Variants in PRKG1 observed in about 807,000 individuals in gnomAD.
PRKG1 encodes protein kinase cGMP-dependent 1.
In PRKG1, 35 loss-of-function variants were observed where a neutral mutation model predicts 88.1. That is an observed-to-expected ratio of 0.40 (90% CI 0.30 to 0.53). The LOEUF (loss-of-function observed/expected upper bound fraction) is 0.53. Ranked by LOEUF, PRKG1 falls within the 20% of genes least tolerant of loss-of-function variation. PRKG1 has a pLI of 0.59. For missense variants in PRKG1, 540 were observed against 839.8 expected, an observed-to-expected ratio of 0.64 and a Z score of 4.41; for synonymous variants, 303 against 292.5, an observed-to-expected ratio of 1.04 and a Z score of -0.37.
chr10:51,856,254 G>A (rs1043061272), intron 4 of PRKG1, among the ~76,000 whole-genome samples: 1 of 152,098 alleles, frequency 6.6e-6, no homozygotes, highest in Non-Finnish European at 1.5e-5. Flanking sequence ...TTCCATATAA[G>A]GTAACATATT....
chr10:51,785,702 G>A (rs1838709773), intron 3 of PRKG1, among the ~76,000 whole-genome samples: 1 of 152,062 alleles, frequency 6.6e-6, no homozygotes, highest in African/African-American at 2.4e-5. Flanking sequence ...GATGGCTCCT[G>A]TCAACATGAT....
At chr10:51,125,411 G>A (rs1845370593) in intron 1 of PRKG1, among the ~76,000 whole-genome samples, 1 of 150,562 alleles carries the variant, frequency 6.6e-6, no homozygotes, top group African/African-American at 2.4e-5. Flanking sequence ...AATTTGGCCA[G>A]GCACAGTGGC....
chr10:51,900,154 T>C (rs1422878093), intron 4 of PRKG1, among the ~76,000 whole-genome samples: 1 of 152,164 alleles, frequency 6.6e-6, no homozygotes. Flanking sequence ...CAAAACAGAC[T>C]AACATACATA....
chr10:51,920,340 T>G (rs116254325), intron 5 of PRKG1, among the ~76,000 whole-genome samples: 2 of 152,168 alleles, frequency 1.3e-5, no homozygotes, highest in African/African-American at 4.8e-5. Context: ...GATTTTCCAG[T>G]ATAAGGCCCC....
At position 51,519,308 on chromosome 10, in the gene PRKG1, A is replaced by G. The variant is rs570317720; in HGVS notation, c.592+51472A>G. Among the ~76,000 whole-genome samples, 9 of 152,306 alleles carry G rather than the reference A, an allele frequency of 5.9e-5. No individual in the cohort carries two copies. In the South Asian group the frequency reaches 1.9e-3, roughly 32 times the overall value. On this transcript the variant is annotated intron_variant, in intron 3 of 17. Coordinates refer to ENST00000373980, the MANE Select transcript of PRKG1 (RefSeq NM_006258.4). The stretch of plus-strand genomic sequence containing the variant: ...TTTCAACAACCTATAAGTAAGGTAG[A>G]TATTTCCCATATTTTATAGAGCCAA...
chr10:51,943,126 C>A (rs1444082966), intron 5 of PRKG1, among the ~76,000 whole-genome samples: 3 of 152,010 alleles, frequency 2.0e-5, no homozygotes, highest in Non-Finnish European at 4.4e-5. Flanking sequence ...TCTTTTATTT[C>A]ATTGAGCAGT....
chr10:52,081,022 C>G (rs189714262), intron 7 of PRKG1, among the ~76,000 whole-genome samples: 1 of 152,300 alleles, frequency 6.6e-6, no homozygotes, highest in Non-Finnish European at 1.5e-5. Flanking sequence ...TCCCTGTGTT[C>G]AGTCCGGCTT....
chr10:52,250,872 C>T (rs1841153138), intron 9 of PRKG1, among the ~76,000 whole-genome samples: 1 of 152,140 alleles, frequency 6.6e-6, no homozygotes, highest in Non-Finnish European at 1.5e-5. Flanking sequence ...TGCTTCTCCA[C>T]ACCACTCATA....
At chr10:51,740,009 A>G (rs1372186291) in intron 3 of PRKG1, among the ~76,000 whole-genome samples, 1 of 152,138 alleles carries the variant, frequency 6.6e-6, no homozygotes, top group African/African-American at 2.4e-5. Flanking sequence ...ACAGTCTTAA[A>G]TATGATTGTA....
intron 5 of PRKG1, chr10:51,908,774 G>T (rs1842149842): frequency 8.4e-6 from 1 of 119,146 alleles, no homozygotes; most frequent in Non-Finnish European, 1.8e-5. Context: ...CTGTCGCCCA[G>T]GCTGGAGTGC....
intron 5 of PRKG1, among the ~76,000 whole-genome samples, chr10:52,049,100 C>T (rs1352376836): frequency 6.6e-6 from 1 of 152,136 alleles, no homozygotes; most frequent in African/African-American, 2.4e-5. Flanking sequence ...GGTTATCACG[C>T]AGTCATTAAA....
At chr10:51,447,870 C>T (rs1839320877) in intron 2 of PRKG1, among the ~76,000 whole-genome samples, 1 of 151,938 alleles carries the variant, frequency 6.6e-6, no homozygotes, top group South Asian at 2.1e-4. Context: ...AGTGAATGTT[C>T]CCTTATCATC....
intron 5 of PRKG1, among the ~76,000 whole-genome samples, chr10:51,915,173 G>A (rs533369379): frequency 6.6e-6 from 1 of 152,286 alleles, no homozygotes; most frequent in East Asian, 1.9e-4. Context: ...CCAACTGTGA[G>A]TAACAGAGAA....
intron 7 of PRKG1, among the ~76,000 whole-genome samples, chr10:52,117,030 G>A (rs1196189789): frequency 6.6e-6 from 1 of 152,054 alleles, no homozygotes; most frequent in Non-Finnish European, 1.5e-5. Context: ...TGCACCTTAT[G>A]TGATTAAATT....
chr10:51,945,268 G>A (rs916232942), intron 5 of PRKG1, among the ~76,000 whole-genome samples: 1 of 150,164 alleles, frequency 6.7e-6, no homozygotes, highest in African/African-American at 2.5e-5. Flanking sequence ...TCAGAGACTA[G>A]GATTGCAACC....
At position 51,663,640 on chromosome 10, in the gene PRKG1, G is replaced by A. The variant is rs76320533; in HGVS notation, c.593-140945G>A. 1.1e-4 allele frequency among the ~76,000 whole-genome samples: 16 copies of A among 148,764 alleles called. 1 individual carries two copies. In the East Asian group the frequency reaches 1.2e-3, roughly 11 times the overall value. On this transcript the variant is annotated intron_variant, in intron 3 of 17. Transcript: ENST00000373980. The stretch of plus-strand genomic sequence containing the variant: ...GCTGAGGTGACAGGATCACTTGAGC[G>A]CAGAAGTTTGAGGTTGCAGTGAGCT...
intron 2 of PRKG1, among the ~76,000 whole-genome samples, chr10:51,212,940 T>A (rs1168332741): frequency 6.6e-6 from 1 of 151,860 alleles, no homozygotes; most frequent in African/African-American, 2.4e-5. Flanking sequence ...AGAAATACCA[T>A]TTGACCCAGC....
chr10:52,215,037 C>CAA (rs5784912), intron 9 of PRKG1, among the ~76,000 whole-genome samples: 21,430 of 133,912 alleles, frequency 0.16, 1,682 homozygotes, highest in Middle Eastern at 0.19. Context: ...AAAGTTTTTT[C>CAA]AAAAAAAAAA....
intron 7 of PRKG1, among the ~76,000 whole-genome samples, chr10:52,124,248 C>T (rs1188957781): frequency 1.3e-5 from 2 of 152,152 alleles, no homozygotes; most frequent in African/African-American, 4.8e-5. Context: ...ATGCTAGCAT[C>T]GTAGAGTCTA....
Sources: gnomAD v4.1 joint callset for allele counts (sites outside exome capture counted in the v4.1 genomes callset) on GRCh38, gnomAD v4.1.1 for gene constraint, MANE v1.5 for transcripts, NCBI Gene and HGNC (gene_info 2026-07-23, HGNC 2026-07-21) for gene names.